Variants in PDE10A observed in about 807,000 individuals in gnomAD.
PDE10A encodes the protein cAMP and cAMP-inhibited cGMP 3',5'-cyclic phosphodiesterase 10A.
In PDE10A, 39 loss-of-function variants were observed where a neutral mutation model predicts 97.7. The ratio of observed to expected loss-of-function variants is 0.40; its 90% CI spans 0.31 to 0.52. PDE10A has a LOEUF of 0.52. Ranked by LOEUF, PDE10A falls within the 20% of genes least tolerant of loss-of-function variation. The pLI is 0.56. For synonymous variants in PDE10A, 371 were observed against 376.8 expected (o/e 0.98, Z 0.18); for missense variants, 731 against 1,047.8 (o/e 0.70, Z 4.17).
chr6:165,339,401 A>G (rs1035219971), intron 19 of PDE10A, 43 bp from the exon 20 acceptor site: 24 of 1,107,732 alleles, frequency 2.2e-5, no homozygotes, highest in Non-Finnish European at 2.9e-5. Flanking sequence ...CAAATTTCAA[A>G]TTGCTATACT....
intron 6 of PDE10A, 60 bp downstream of exon 6, chr6:165,435,177 A>G (rs2128240042): frequency 1.5e-6 from 2 of 1,371,118 alleles, no homozygotes; most frequent in Non-Finnish European, 2.0e-6. Flanking sequence ...ATGATATGCC[A>G]TCTTTCTTAA....
chr6:165,967,461 C>A (rs1386085702), intron 1 of PDE10A, among the ~76,000 whole-genome samples: 1 of 152,236 alleles, frequency 6.6e-6, no homozygotes. Context: ...TGTGCCACTG[C>A]ACTCCAGCCT....
intron 1 of PDE10A, among the ~76,000 whole-genome samples, chr6:165,576,092 AC>A (rs34741366): frequency 0.97 from 147,749 of 152,204 alleles, 71,859 homozygotes; most frequent in East Asian, 1. Context: ...CAAATATGTA[AC>A]CCACCCTATG....
At chr6:165,750,849 T>G (rs763029705) in intron 1 of PDE10A, among the ~76,000 whole-genome samples, 1 of 151,540 alleles carries the variant, frequency 6.6e-6, no homozygotes, top group South Asian at 2.1e-4. Context: ...ACAGAGGCAC[T>G]GGCATGCAGG....
In PDE10A at chr6:165,428,725, A is replaced by G. The variant is rs753125569; in HGVS notation, c.1602-16T>C. Reference sequence around the variant, plus strand: ...AAAATATGTTCTGAAAAAAAGAAACATAAATCCTGTAAGTAATTTCATTAG... The same window carrying G: ...AAAATATGTTCTGAAAAAAAGAAACGTAAATCCTGTAAGTAATTTCATTAG... On this transcript the variant is annotated splice_polypyrimidine_tract_variant and intron_variant, in intron 9 of 21. Transcript: ENST00000539869. 9.6e-7 allele frequency: 1 copy of G among 1,045,116 alleles called. No homozygotes were observed. Among genetic ancestry groups the G allele is most frequent in the Non-Finnish European group, 1.5e-6 (1 of 682,396 alleles). 64.7% of individuals were successfully genotyped at this position (1,045,116 alleles called of 1,614,324 possible). A position where few individuals can be genotyped will look rare whatever the true frequency, so the allele number is the denominator to read the frequency against.
intron 1 of PDE10A, among the ~76,000 whole-genome samples, chr6:165,972,744 T>A (rs705803): frequency 0.96 from 146,138 of 152,292 alleles, 70,174 homozygotes; most frequent in East Asian, 1. Flanking sequence ...TAATTAAATA[T>A]TGTATTATTT....
intron 1 of PDE10A, among the ~76,000 whole-genome samples, chr6:165,834,285 A>T (rs1399439752): frequency 6.6e-6 from 1 of 152,168 alleles, no homozygotes; most frequent in Non-Finnish European, 1.5e-5. Context: ...CACTGTTTGT[A>T]TTGCCAGGAC....
chr6:165,956,741 T>C (rs1052027030), intron 1 of PDE10A, among the ~76,000 whole-genome samples: 2 of 152,212 alleles, frequency 1.3e-5, no homozygotes, highest in Admixed American at 1.3e-4. Flanking sequence ...GACATGTCTC[T>C]GACATGTGGA....
chr6:165,448,907 A>C (rs750128965), intron 5 of PDE10A, 21 bp downstream of exon 5: 3 of 1,561,310 alleles, frequency 1.9e-6, no homozygotes. Context: ...AGAGCACCAA[A>C]ATCTAAATTT....
chr6:165,616,270 TAA>T (rs981543607), intron 1 of PDE10A, among the ~76,000 whole-genome samples: 2 of 152,048 alleles, frequency 1.3e-5, no homozygotes. Flanking sequence ...ATTCTGAAAA[TAA>T]GAGGTCCCTG....
intron 1 of PDE10A, among the ~76,000 whole-genome samples, chr6:165,859,470 TA>T (rs1780840687): frequency 1.3e-5 from 2 of 152,220 alleles, no homozygotes; most frequent in Admixed American, 1.3e-4. Context: ...TTTATTTATT[TA>T]TTTTTTACAT....
intron 1 of PDE10A, among the ~76,000 whole-genome samples, chr6:165,626,072 G>A (rs999743922): frequency 4.6e-5 from 7 of 152,104 alleles, no homozygotes; most frequent in Non-Finnish European, 8.8e-5. Flanking sequence ...GTGGGGCAGC[G>A]AAGGACAAAA....
chr6:165,801,656 A>G (rs1281183853), intron 1 of PDE10A, among the ~76,000 whole-genome samples: 1 of 152,248 alleles, frequency 6.6e-6, no homozygotes, highest in Non-Finnish European at 1.5e-5. Context: ...CACCACATTT[A>G]AACCCTTTTC....
intron 1 of PDE10A, among the ~76,000 whole-genome samples, chr6:165,783,462 T>C (rs1778399695): frequency 6.6e-6 from 1 of 152,216 alleles, no homozygotes; most frequent in Non-Finnish European, 1.5e-5. Context: ...GAAACAGAAA[T>C]GAGTACACTT....
At chr6:165,731,017 G>A (rs1256137440) in intron 1 of PDE10A, among the ~76,000 whole-genome samples, 1 of 152,224 alleles carries the variant, frequency 6.6e-6, no homozygotes, top group East Asian at 1.9e-4. Flanking sequence ...CTGCACTCCA[G>A]CCTGGGCGAC....
At chr6:165,839,992 A>ATCTGCAT (rs1780207140) in intron 1 of PDE10A, among the ~76,000 whole-genome samples, 1 of 4,328 alleles carries the variant, frequency 2.3e-4, no homozygotes, top group Non-Finnish European at 4.8e-4. Context: ...CCCATCTCCA[A>ATCTGCAT]CTCCATCCCA....
At position 165,553,303 on chromosome 6, in the gene PDE10A, G is replaced by A. The variant is rs138411010; in HGVS notation, c.866-9735C>T. ...AATGGAGGTTATCCAGGTGACAGACGTAAACAGTTTTCACTATCATTAAAA... is the reference window on the plus strand; with the variant it reads ...AATGGAGGTTATCCAGGTGACAGACATAAACAGTTTTCACTATCATTAAAA... On this transcript the variant is annotated intron_variant, in intron 1 of 21. Coordinates refer to ENST00000539869, the MANE Select transcript of PDE10A (RefSeq NM_001385079.1). 2.2e-3 allele frequency among the ~76,000 whole-genome samples: 337 copies of A among 152,102 alleles called. 1 individual carries two copies. The highest frequency in any genetic ancestry group is 7.3e-3 in the African/African-American group (301 of 41,482).
At chr6:165,400,062 C>T (rs1000318247) in intron 13 of PDE10A, among the ~76,000 whole-genome samples, 7 of 152,122 alleles carry the variant, frequency 4.6e-5, no homozygotes, top group South Asian at 2.1e-4. Context: ...GCTGCAAAGG[C>T]GAGGCCATAA....
intron 3 of PDE10A, among the ~76,000 whole-genome samples, chr6:165,456,514 C>T (rs1777963128): frequency 6.6e-6 from 1 of 152,140 alleles, no homozygotes; most frequent in Non-Finnish European, 1.5e-5. Context: ...AGATCAATAA[C>T]CAGCTGTTCT....
Sources: gnomAD v4.1 joint callset for allele counts (sites outside exome capture counted in the v4.1 genomes callset) on GRCh38, gnomAD v4.1.1 for gene constraint, MANE v1.5 for transcripts, NCBI Gene and HGNC (gene_info 2026-07-23, HGNC 2026-07-21) for gene names.